The following CADM1 variants were observed in gnomAD, a reference collection of about 807,000 sequenced individuals.
CADM1 encodes TSLC-1.
In CADM1, 15 loss-of-function variants were observed where a neutral mutation model predicts 53.1. That is an observed-to-expected ratio of 0.28 (90% CI 0.19 to 0.44). The LOEUF is 0.44. Ranked by LOEUF, CADM1 falls within the 20% of genes least tolerant of loss-of-function variation. The pLI is 1.00. For synonymous variants in CADM1, 281 were observed against 243.0 expected, an observed-to-expected ratio of 1.16 and a Z score of -1.45; for missense variants, 434 against 611.3, an observed-to-expected ratio of 0.71 and a Z score of 3.06.
intron 1 of CADM1, among the ~76,000 whole-genome samples, chr11:115,452,795 AG>A (rs368524262): frequency 7.2e-5 from 11 of 152,274 alleles, no homozygotes; most frequent in African/African-American, 2.4e-4. Context: ...TAAGAGATAA[AG>A]TACAAAGTTT....
At chr11:115,403,891 C>T (rs1947228457) in intron 1 of CADM1, among the ~76,000 whole-genome samples, 1 of 151,500 alleles carries the variant, frequency 6.6e-6, no homozygotes, top group East Asian at 2.0e-4. Flanking sequence ...GACATTGTGC[C>T]CGGCCTGAAA....
intron 1 of CADM1, among the ~76,000 whole-genome samples, chr11:115,420,238 T>A (rs551530027): frequency 1.3e-5 from 2 of 152,074 alleles, no homozygotes; most frequent in Non-Finnish European, 2.9e-5. Context: ...GAAAGACGTG[T>A]CCACACAGGA....
At chr11:115,421,649 G>A (rs987273349) in intron 1 of CADM1, among the ~76,000 whole-genome samples, 1 of 152,174 alleles carries the variant, frequency 6.6e-6, no homozygotes, top group South Asian at 2.1e-4. Flanking sequence ...TAACAGCAGG[G>A]AGCTTAAATA....
intron 1 of CADM1, among the ~76,000 whole-genome samples, chr11:115,320,693 A>C (rs893124088): frequency 6.6e-6 from 1 of 151,964 alleles, no homozygotes; most frequent in African/African-American, 2.4e-5. Context: ...TCCAGAAAAA[A>C]AAAAAGTTTC....
chr11:115,183,751 C>T (rs553868868), intron 10 of CADM1, among the ~76,000 whole-genome samples: 4 of 152,298 alleles, frequency 2.6e-5, no homozygotes, highest in East Asian at 1.9e-4. Flanking sequence ...AGCAACATGG[C>T]GCTTAAACGC....
chr11:115,308,951 T>G (rs1944462939), intron 1 of CADM1, among the ~76,000 whole-genome samples: 2 of 152,198 alleles, frequency 1.3e-5, no homozygotes, highest in African/African-American at 4.8e-5. Context: ...GAGTATTCAG[T>G]TAAACTATGT....
chr11:115,169,986 T>C lies in CADM1; in HGVS notation c.*6488A>G. 5.2e-6 allele frequency: 1 copy of C among 192,828 alleles called. No homozygotes were observed. Among genetic ancestry groups the C allele is most frequent in the Non-Finnish European group, 1.1e-5 (1 of 91,750 alleles). The allele number at this position is 192,828 out of a possible 1,614,324, so 11.9% of individuals were successfully genotyped here. On this transcript the variant is annotated 3_prime_UTR_variant, in exon 12 of 12. Coordinates refer to ENST00000331581, the MANE Select transcript of CADM1 (RefSeq NM_001301043.2). ...CTGAAATATCAATTACGGATCAATTTTCCCCCTAAGTAAACACTAATGCAG... is the reference window on the plus strand; with the variant it reads ...CTGAAATATCAATTACGGATCAATTCTCCCCCTAAGTAAACACTAATGCAG...
At chr11:115,214,225 G>C (rs903417944) in intron 7 of CADM1, among the ~76,000 whole-genome samples, 14 of 152,288 alleles carry the variant, frequency 9.2e-5, no homozygotes, top group Middle Eastern at 6.8e-3. Context: ...ATCAAAGCAG[G>C]AGAAAGCTAG....
At chr11:115,424,818 G>A (rs970954651) in intron 1 of CADM1, among the ~76,000 whole-genome samples, 1 of 151,954 alleles carries the variant, frequency 6.6e-6, no homozygotes. Flanking sequence ...GAGCTACCAC[G>A]CCCAGCCAGA....
chr11:115,184,290 A>C (rs1011048810), intron 10 of CADM1, among the ~76,000 whole-genome samples: 21 of 152,232 alleles, frequency 1.4e-4, no homozygotes, highest in Non-Finnish European at 2.4e-4. Flanking sequence ...CGTCCATGGC[A>C]ACAAAAATAA....
intron 1 of CADM1, among the ~76,000 whole-genome samples, chr11:115,277,866 G>C (rs1943485739): frequency 6.6e-6 from 1 of 152,100 alleles, no homozygotes; most frequent in Non-Finnish European, 1.5e-5. Flanking sequence ...TAAATACTGA[G>C]CAAGTGGTCT....
chr11:115,381,970 AAGTTGCT>A (rs1946590083), intron 1 of CADM1, among the ~76,000 whole-genome samples: 2 of 151,808 alleles, frequency 1.3e-5, no homozygotes, highest in Admixed American at 6.6e-5. Flanking sequence ...TCAGCCTCCC[AAGTTGCT>A]AGGACCACAG....
At chr11:115,227,101 T>TA (rs1281734866) in intron 5 of CADM1, among the ~76,000 whole-genome samples, 1 of 152,202 alleles carries the variant, frequency 6.6e-6, no homozygotes, top group African/African-American at 2.4e-5. Context: ...TTTTCTTGGA[T>TA]AAAAAACAGA....
chr11:115,454,224 G>A (rs1346494437), intron 1 of CADM1, among the ~76,000 whole-genome samples: 2 of 152,152 alleles, frequency 1.3e-5, no homozygotes, highest in Admixed American at 6.5e-5. Flanking sequence ...ATGAGCTTTT[G>A]TTTACAACAG....
At chr11:115,474,092 A>C (rs537727249) in intron 1 of CADM1, among the ~76,000 whole-genome samples, 1 of 152,052 alleles carries the variant, frequency 6.6e-6, no homozygotes, top group Admixed American at 6.5e-5. Context: ...CAGGAGATCA[A>C]GACCATCCTG....
chr11:115,310,032 T>G lies in CADM1; in HGVS notation c.125-69612A>C, dbSNP rs145062496. Among the ~76,000 whole-genome samples the G allele has an allele frequency of 7.5e-3, 1,146 of 152,184 alleles. 18 individuals are homozygous for G. The highest frequency in any genetic ancestry group is 0.026 in the African/African-American group (1,062 of 41,524). ...AACTAAAAATACCAACTTTGGCAAA[T>G]GTACTATTCAAGACTTGTTAAGTTT... is the stretch of plus-strand genomic sequence containing the variant. On this transcript the variant is annotated intron_variant, in intron 1 of 11. Coordinates refer to ENST00000331581, the MANE Select transcript of CADM1 (RefSeq NM_001301043.2).
At chr11:115,239,355 G>C (rs1345995242) in intron 2 of CADM1, among the ~76,000 whole-genome samples, 2 of 152,108 alleles carry the variant, frequency 1.3e-5, no homozygotes, top group Admixed American at 1.3e-4. Context: ...CTGGTCCTGT[G>C]GTTTCCTAAG....
chr11:115,169,816 C>T lies in CADM1; in HGVS notation c.*6658G>A, dbSNP rs149015325. Reference sequence around the variant, plus strand: ...TGCCAGCATCCATTGCAGGTTTAAACGATGAAATACACAACTACAGAGAAA... The same window carrying T: ...TGCCAGCATCCATTGCAGGTTTAAATGATGAAATACACAACTACAGAGAAA... On this transcript the variant is annotated 3_prime_UTR_variant, in exon 12 of 12. Transcript: ENST00000331581. 178 of 288,010 alleles carry T rather than the reference C, an allele frequency of 6.2e-4. No homozygotes were observed. Among genetic ancestry groups the T allele is most frequent in the African/African-American group, 3.3e-3 (152 of 45,864 alleles). The allele number at this position is 288,010 out of a possible 1,614,324, so 17.8% of individuals were successfully genotyped here.
intron 1 of CADM1, among the ~76,000 whole-genome samples, chr11:115,293,598 T>C (rs1016850508): frequency 6.6e-6 from 1 of 152,168 alleles, no homozygotes; most frequent in Non-Finnish European, 1.5e-5. Context: ...CCCAAAATCA[T>C]AAATTTGAAG....
Sources: gnomAD v4.1 joint callset for allele counts (sites outside exome capture counted in the v4.1 genomes callset) on GRCh38, gnomAD v4.1.1 for gene constraint, MANE v1.5 for transcripts, NCBI Gene and HGNC (gene_info 2026-07-23, HGNC 2026-07-21) for gene names.